AFF1: variants seen among roughly 807,000 people sequenced by gnomAD.
AFF1 encodes the protein AF4/FMR2 family member 1.
In AFF1, 48 loss-of-function variants were observed where a neutral mutation model predicts 121.7. The ratio of observed to expected loss-of-function variants is 0.39; its 90% CI spans 0.31 to 0.50. The LOEUF is 0.50. AFF1 is among the 20% of genes least tolerant of loss of function. AFF1 has a pLI of 0.76. For missense variants in AFF1, 1,523 were observed against 1,511.7 expected (o/e 1.01, Z -0.12); for synonymous variants, 613 against 563.0 (o/e 1.09, Z -1.26).
At chr4:87,002,850 T>C (rs1000205710) in intron 2 of AFF1, among the ~76,000 whole-genome samples, 2 of 152,056 alleles carry the variant, frequency 1.3e-5, no homozygotes, top group Non-Finnish European at 2.9e-5. Flanking sequence ...GGGAATCAAA[T>C]TGCATGGAAG....
At chr4:87,089,478 C>A (rs962553187) in intron 5 of AFF1, among the ~76,000 whole-genome samples, 1 of 152,180 alleles carries the variant, frequency 6.6e-6, no homozygotes, top group Non-Finnish European at 1.5e-5. Flanking sequence ...AGGGAAGGGT[C>A]AAATCCATTA....
Position 87,139,438 on chromosome 4 carries a change from C to A in AFF1, c.*3737C>A. On this transcript the variant is annotated 3_prime_UTR_variant, in exon 21 of 21. Transcript: ENST00000395146. Reference sequence around the variant, plus strand: ...TATTTTCCCAAACACTACAAAAAAACTTTTAAAACTTTGCCATTTCATCTG... The same window carrying A: ...TATTTTCCCAAACACTACAAAAAAAATTTTAAAACTTTGCCATTTCATCTG... 4.3e-6 allele frequency: 1 copy of A among 232,656 alleles called. No individual in the cohort carries two copies. Among genetic ancestry groups the A allele is most frequent in the Non-Finnish European group, 8.5e-6 (1 of 117,448 alleles). 14.4% of individuals were successfully genotyped at this position (232,656 alleles called of 1,614,324 possible).
At chr4:87,052,217 A>G (rs1731340447) in intron 4 of AFF1, among the ~76,000 whole-genome samples, 1 of 152,166 alleles carries the variant, frequency 6.6e-6, no homozygotes, top group Non-Finnish European at 1.5e-5. Flanking sequence ...GTTCAAGACC[A>G]GCCTGGGCAA....
intron 8 of AFF1, 91 bp downstream of exon 8, chr4:87,095,060 T>C: frequency 8.3e-7 from 1 of 1,205,248 alleles, no homozygotes; most frequent in Non-Finnish European, 1.2e-6. Context: ...TCTGCCTTTA[T>C]GTAATGACAT....
In AFF1 at chr4:87,114,685, G is replaced by A; in HGVS notation, c.1852G>A (p.Ala618Thr). Residue 618 changes from alanine (A) to threonine (T), a missense_variant, in exon 12 of 21, where the codon GCC (alanine) becomes ACC (threonine). Transcript: ENST00000395146. The stretch of plus-strand genomic sequence containing the variant: ...CAAACAACCCAAAAAACCTGTCAAG[G>A]CCTCTGCCCGGGCAGGTTCACGGAC... ...GTKQPKKPVKASARAGSRTSL... is the reference protein window; with the variant it reads ...GTKQPKKPVKTSARAGSRTSL... 1 of 1,613,676 alleles carries A rather than the reference G, an allele frequency of 6.2e-7. No homozygotes were observed. The highest frequency in any genetic ancestry group is 8.5e-7 in the Non-Finnish European group (1 of 1,179,964).
At chr4:87,065,804 C>A (rs1210376709) in intron 4 of AFF1, among the ~76,000 whole-genome samples, 1 of 5,666 alleles carries the variant, frequency 1.8e-4, no homozygotes, top group Non-Finnish European at 3.4e-4. Context: ...ATTATTTTTC[C>A]CCCCCCTTTC....
chr4:87,110,054 CAG>C (rs959413748), intron 11 of AFF1, among the ~76,000 whole-genome samples: 2 of 152,134 alleles, frequency 1.3e-5, no homozygotes, highest in African/African-American at 4.8e-5. Flanking sequence ...TTCAGAGTAA[CAG>C]AAATTCCATA....
chr4:87,067,386 C>T (rs932206728), intron 4 of AFF1, among the ~76,000 whole-genome samples: 11 of 152,224 alleles, frequency 7.2e-5, no homozygotes, highest in Non-Finnish European at 1.6e-4. Context: ...TTTGAGAATT[C>T]CTGTTTGCAA....
chr4:87,099,598 G>A (rs765000634), intron 8 of AFF1, among the ~76,000 whole-genome samples: 5 of 152,178 alleles, frequency 3.3e-5, no homozygotes, highest in Admixed American at 6.5e-5. Flanking sequence ...TAGTAGAGAC[G>A]GGGTTTCGCC....
chr4:87,091,160 T>G (rs1724265572), intron 6 of AFF1, among the ~76,000 whole-genome samples: 3 of 152,200 alleles, frequency 2.0e-5, no homozygotes, highest in Admixed American at 2.0e-4. Context: ...ATCCCAGGAC[T>G]TTGGGAGGCT....
At chr4:87,089,144 T>G (rs1156559633) in intron 5 of AFF1, among the ~76,000 whole-genome samples, 1 of 152,184 alleles carries the variant, frequency 6.6e-6, no homozygotes, top group Admixed American at 6.5e-5. Flanking sequence ...GGACCTCAGT[T>G]TTTTTCAATC....
chr4:86,944,140 TAA>T (rs35682600), intron 1 of AFF1, among the ~76,000 whole-genome samples: 3,885 of 96,074 alleles, frequency 0.04, 219 homozygotes, highest in African/African-American at 0.15. Context: ...CAAGACCCTG[TAA>T]AAAAAAAAAA....
intron 16 of AFF1, among the ~76,000 whole-genome samples, chr4:87,129,320 A>G (rs1327051607): frequency 6.6e-6 from 1 of 152,238 alleles, no homozygotes; most frequent in African/African-American, 2.4e-5. Flanking sequence ...TTTCTTCTCT[A>G]CGTTATCTTC....
chr4:86,990,144 C>A (rs1972969), intron 2 of AFF1, among the ~76,000 whole-genome samples: 142,046 of 151,796 alleles, frequency 0.94, 66,797 homozygotes, highest in Non-Finnish European at 0.98. Context: ...CACGTTCTGC[C>A]CATGTATTCC....
intron 4 of AFF1, 37 bp downstream of exon 4, chr4:87,047,631 G>T (rs774896254): frequency 1.2e-6 from 2 of 1,612,952 alleles, no homozygotes; most frequent in East Asian, 4.5e-5. Flanking sequence ...ATTCCAATTC[G>T]AAGACGGATT....
chr4:87,075,660 G>A (rs1178429507), intron 4 of AFF1, among the ~76,000 whole-genome samples: 1 of 152,134 alleles, frequency 6.6e-6, no homozygotes, highest in African/African-American at 2.4e-5. Context: ...ACTGCATTTA[G>A]GCAACTACTC....
At chr4:87,031,442 T>G (rs1387643268) in intron 2 of AFF1, among the ~76,000 whole-genome samples, 3 of 152,028 alleles carry the variant, frequency 2.0e-5, no homozygotes, top group Non-Finnish European at 4.4e-5. Context: ...AGCATATGTT[T>G]TTTTTTTTTT....
At position 87,139,538 on chromosome 4, in the gene AFF1, A is replaced by G. The variant is rs1023356540; in HGVS notation, c.*3837A>G. On this transcript the variant is annotated 3_prime_UTR_variant, in exon 21 of 21. Transcript: ENST00000395146. The stretch of plus-strand genomic sequence containing the variant: ...TTTGTGCTTTCTTTAGAAACACAAG[A>G]GTATAGATTTTTCTCACTGAAAAGT... 5 of 230,814 alleles carry G rather than the reference A, an allele frequency of 2.2e-5. No homozygotes were observed. Among genetic ancestry groups the G allele is most frequent in the African/African-American group, 1.1e-4 (5 of 45,212 alleles). 14.3% of individuals were successfully genotyped at this position (230,814 alleles called of 1,614,324 possible). A position where few individuals can be genotyped will look rare whatever the true frequency, so the allele number is the denominator to read the frequency against.
intron 12 of AFF1, among the ~76,000 whole-genome samples, 176 bp from the exon 13 acceptor site, chr4:87,124,861 C>G (rs1035301878): frequency 6.6e-6 from 1 of 152,152 alleles, no homozygotes; most frequent in African/African-American, 2.4e-5. Context: ...GTCCCCTGCC[C>G]ACTCCCCATC....
Sources: allele counts gnomAD v4.1 joint callset (sites outside exome capture counted in the v4.1 genomes callset), GRCh38; gene constraint gnomAD v4.1.1; transcripts MANE v1.5; gene names NCBI Gene and HGNC (gene_info 2026-07-23, HGNC 2026-07-21).